Variants in PLCH2 observed in about 807,000 individuals in gnomAD.
PLCH2 encodes the protein 1-phosphatidylinositol 4,5-bisphosphate phosphodiesterase eta-2.
PLCH2 carries 98 observed loss-of-function variants against 134.7 expected under a neutral mutation model. The ratio of observed to expected loss-of-function variants is 0.73; its 90% confidence interval spans 0.62 to 0.86. The LOEUF is 0.86. PLCH2 is among the 40% of genes least tolerant of loss of function. The pLI, the probability that PLCH2 is intolerant of heterozygous loss-of-function variation, is 0.00. For synonymous variants in PLCH2, 974 were observed against 827.5 expected, an observed-to-expected ratio of 1.18 and a Z score of -3.04; for missense variants, 1,994 against 1,986.6, an observed-to-expected ratio of 1.00 and a Z score of -0.07.
At chr1:2,503,462 G>C (rs543213041) in intron 21 of PLCH2, 1 of 608,060 alleles carries the variant, frequency 1.6e-6, no homozygotes, top group African/African-American at 1.9e-5. Flanking sequence ...CTGGGCCCCA[G>C]GGCTTCGCTG....
chr1:2,479,763 G>A lies in PLCH2; in HGVS notation c.301G>A (p.Glu101Lys). Residue 101 changes from glutamate to lysine, a missense_variant, in exon 3 of 22, where the codon GAG (glutamate) becomes AAG (lysine). Around this residue, in one of 2 missense-constraint regions of PLCH2, gnomAD observed 1,094 missense variants for 1,234.3 expected, o/e 0.89. Coordinates refer to ENST00000378486, the MANE Select transcript of PLCH2 (RefSeq NM_014638.4). ...ISIDSIQEVS[E>K]GRQSEVFQRY... ...CATCGACTCCATCCAGGAGGTGAGT[G>A]AGGGGCGGCAGTCGGAGGTCTTCCA... 1 of 1,549,550 alleles carries A rather than the reference G, an allele frequency of 6.5e-7. No individual in the cohort carries two copies.
rs1334316891 is a variant in PLCH2, at chr1:2,505,059, T to C, written c.4097T>C (p.Leu1366Pro). 1.3e-6 allele frequency: 2 copies of C among 1,539,948 alleles called. No homozygotes were observed. The highest frequency in any genetic ancestry group is 4.9e-5 in the East Asian group (2 of 41,224). The change falls in exon 22 of 22, where the codon CTG becomes CCG. Residue 1366 changes from leucine (L) to proline (P), a missense_variant. Leu to Pro is a moderately conservative substitution (Grantham distance 98). Around this residue, in one of 2 missense-constraint regions of PLCH2, gnomAD observed 900 missense variants for 752.3 expected, o/e 1.20. Transcript: ENST00000378486. ...AQERQQRLQG[L>P]GRQGPPEEER... ...GAGCGGCAGCAGAGACTGCAGGGCC[T>C]GGGCCGGCAGGGACCCCCAGAAGAG...
chr1:2,496,911 T>C lies in PLCH2; in HGVS notation c.2017T>C (p.Phe673Leu), dbSNP rs1642925737. 6.2e-7 allele frequency: 1 copy of C among 1,613,176 alleles called. No homozygotes were observed. The highest frequency in any genetic ancestry group is 1.3e-5 in the African/African-American group (1 of 75,064). The change falls in exon 15 of 22, where the codon TTC (phenylalanine) becomes CTC (leucine). Residue 673 changes from phenylalanine (F) to leucine (L), a missense_variant. Around this residue, in one of 2 missense-constraint regions of PLCH2, gnomAD observed 1,094 missense variants for 1,234.3 expected, o/e 0.89. Transcript: ENST00000378486. ...LQQKPAQYLR[F>L]NQQQLSRIYP... ...GCAGAAGCCGGCGCAGTACCTACGC[T>C]TCAACCAGCAGCAGCTCTCCCGCAT...
At chr1:2,491,089 C>A in intron 10 of PLCH2, 103 bp from the exon 11 acceptor site, 1 of 1,195,206 alleles carries the variant, frequency 8.4e-7, no homozygotes, top group Non-Finnish European at 1.2e-6. Flanking sequence ...CACGCCTTCC[C>A]TGAGCCTGGG....
chr1:2,441,865 G>C (rs1278506962), intron 2 of PLCH2, among the ~76,000 whole-genome samples: 1 of 152,146 alleles, frequency 6.6e-6, no homozygotes, highest in African/African-American at 2.4e-5. Flanking sequence ...ACCTCAGGGC[G>C]CAGGGCTCTG....
intron 2 of PLCH2, among the ~76,000 whole-genome samples, chr1:2,459,448 TCCTC>T (rs1640674825): frequency 3.0e-5 from 2 of 67,428 alleles, no homozygotes; most frequent in East Asian, 4.3e-4. Context: ...TTGCCGGTGG[TCCTC>T]CTTCCTGGTG....
intron 2 of PLCH2, among the ~76,000 whole-genome samples, chr1:2,435,182 A>G (rs1462866932): frequency 6.6e-6 from 1 of 152,196 alleles, no homozygotes; most frequent in Non-Finnish European, 1.5e-5. Context: ...GAAGGAGAGC[A>G]TGTGGAAGAT....
chr1:2,421,918 G>A (rs1274469975), upstream of PLCH2, among the ~76,000 whole-genome samples: 1 of 151,940 alleles, frequency 6.6e-6, no homozygotes, highest in Non-Finnish European at 1.5e-5. Flanking sequence ...AGGCTGCAGT[G>A]AGCCAAGATC....
chr1:2,480,144 G>C, intron 3 of PLCH2, 39 bp from the exon 4 acceptor site: 1 of 1,610,776 alleles, frequency 6.2e-7, no homozygotes, highest in Non-Finnish European at 8.5e-7. Flanking sequence ...GTCAGGGCTG[G>C]GCCCATGGAT....
chr1:2,436,027 C>CTTCCTCTCTCCT (rs1639324139), intron 2 of PLCH2, among the ~76,000 whole-genome samples: 2 of 94,590 alleles, frequency 2.1e-5, no homozygotes, highest in Non-Finnish European at 4.5e-5. Context: ...TCTCTCCTCC[C>CTTCCTCTCTCCT]TCCTCCCCTC....
At chr1:2,433,552 G>T (rs1462781361) in intron 2 of PLCH2, among the ~76,000 whole-genome samples, 1 of 152,192 alleles carries the variant, frequency 6.6e-6, no homozygotes, top group African/African-American at 2.4e-5. Flanking sequence ...AGGTGGGAAC[G>T]GTGTGTCCGC....
chr1:2,499,971 C>T (rs997894342), intron 20 of PLCH2: 23 of 585,390 alleles, frequency 3.9e-5, no homozygotes, highest in Admixed American at 5.9e-5. Context: ...CTGAGTGCTC[C>T]GGGCCTTGCC....
chr1:2,494,853 C>T lies in PLCH2; in HGVS notation c.1660-3C>T. ...CTTGTCCCTGTCTCTCCCCTGGACTCAGAGCAAGGCTGAAGAGGACGTGGA... is the reference window on the plus strand; with the variant it reads ...CTTGTCCCTGTCTCTCCCCTGGACTTAGAGCAAGGCTGAAGAGGACGTGGA... On this transcript the variant is annotated splice_polypyrimidine_tract_variant and splice_region_variant and intron_variant, in intron 11 of 21. Coordinates refer to ENST00000378486, the MANE Select transcript of PLCH2 (RefSeq NM_014638.4). The T allele has an allele frequency of 5.0e-6, 8 of 1,600,192 alleles. No individual in the cohort carries two copies. Among genetic ancestry groups the T allele is most frequent in the Non-Finnish European group, 6.8e-6 (8 of 1,173,006 alleles).
At chr1:2,474,300 C>T (rs936208276), upstream of PLCH2, among the ~76,000 whole-genome samples, 21 of 152,056 alleles carry the variant, frequency 1.4e-4, no homozygotes, top group Admixed American at 5.9e-4. Context: ...GCTGCAGCTG[C>T]GGTTCTGTGT....
At chr1:2,470,233 C>T (rs918545470) in intron 1 of PLCH2, among the ~76,000 whole-genome samples, 6 of 152,188 alleles carry the variant, frequency 3.9e-5, no homozygotes, top group Admixed American at 2.6e-4. Context: ...AGGTTTCGGG[C>T]GGCCCAGTTC....
At chr1:2,477,062 G>T (rs961472810) in intron 1 of PLCH2, among the ~76,000 whole-genome samples, 7 of 152,180 alleles carry the variant, frequency 4.6e-5, no homozygotes, top group African/African-American at 1.7e-4. Flanking sequence ...AGGCGGCTGG[G>T]CTGGCATCCT....
Position 2,499,636 on chromosome 1 carries a change from T to A in PLCH2, c.2582-5T>A, listed in dbSNP as rs1643103982. On this transcript the variant is annotated splice_region_variant and splice_polypyrimidine_tract_variant and intron_variant, in intron 19 of 21. Coordinates refer to ENST00000378486, the MANE Select transcript of PLCH2 (RefSeq NM_014638.4). The stretch of plus-strand genomic sequence containing the variant: ...TCATGACCCTGCTGACCCACACTGC[T>A]CCAGGCTACAGACACGTGTACCTAG... The A allele has an allele frequency of 1.9e-6, 3 of 1,595,560 alleles. No homozygotes were observed. In the South Asian group the frequency reaches 3.4e-5, roughly 18 times the overall value.
At chr1:2,430,195 A>G (rs1215897272) in intron 1 of PLCH2, 3 of 152,190 alleles carry the variant, frequency 2.0e-5, no homozygotes, top group Non-Finnish European at 4.4e-5. Context: ...CTATTTACCT[A>G]TGAGGGGCAG....
rs191966880 is a variant in PLCH2, at chr1:2,489,174, C to G, written c.1236-33C>G. On this transcript the variant is annotated intron_variant, in intron 8 of 21. Transcript: ENST00000378486. ...GCTTACCCATCCTCTGAGGCCCTGGCCTCATCCTGCTCTTTCTGCCTTGGG... is the reference window on the plus strand; with the variant it reads ...GCTTACCCATCCTCTGAGGCCCTGGGCTCATCCTGCTCTTTCTGCCTTGGG... The G allele has an allele frequency of 9.3e-5, 150 of 1,604,956 alleles. 1 individual carries two copies. In the Middle Eastern group the frequency reaches 1.7e-3, roughly 18 times the overall value.
Sources: gnomAD v4.1 joint callset for allele counts (sites outside exome capture counted in the v4.1 genomes callset) on GRCh38, gnomAD v4.1.1 for gene constraint, gnomAD v4.1.1 regional missense constraint, MANE v1.5 for transcripts, NCBI Gene and HGNC (gene_info 2026-07-23, HGNC 2026-07-21) for gene names.